The following ENTR1 variants were observed in gnomAD, a reference collection of about 807,000 sequenced individuals.
The protein encoded by ENTR1 is endosome-associated-trafficking regulator 1.
ENTR1 carries 47 observed loss-of-function variants against 47.9 expected under a neutral mutation model. The observed-to-expected ratio is 0.98, with a 90% confidence interval of 0.78 to 1.25. The LOEUF is 1.25. ENTR1 is among the 50% of genes most tolerant of loss of function. The probability of loss-of-function intolerance (pLI) is 0.00; values close to 1 mark genes in which losing one functional copy is unlikely to be tolerated. For missense variants in ENTR1, 668 were observed against 570.5 expected, an observed-to-expected ratio of 1.17 and a Z score of -1.74; for synonymous variants, 290 against 245.8, an observed-to-expected ratio of 1.18 and a Z score of -1.68.
Position 136,407,419 on chromosome 9 carries a change from G to T in ENTR1, c.545C>A (p.Thr182Asn). Residue 182 changes from threonine (T) to asparagine (N), a missense_variant, in exon 5 of 10, where the codon ACC becomes AAC. Coordinates refer to ENST00000357365, the MANE Select transcript of ENTR1 (RefSeq NM_001039707.2). ...DLLDEEEDED[T>N]GWSGAYLPSA... is the part of the protein sequence containing the mutation. Reference sequence around the variant, plus strand: ...CGGCAGGTAGGCCCCACTCCATCCGGTGTCCTCATCCTCCTCCTCATCCAG... The same window carrying T: ...CGGCAGGTAGGCCCCACTCCATCCGTTGTCCTCATCCTCCTCCTCATCCAG... 6.2e-7 allele frequency: 1 copy of T among 1,609,936 alleles called. No individual in the cohort carries two copies. Among genetic ancestry groups the T allele is most frequent in the Non-Finnish European group, 8.5e-7 (1 of 1,179,410 alleles).
intron 9 of ENTR1, among the ~76,000 whole-genome samples, chr9:136,403,574 G>T (rs1052939667): frequency 6.6e-6 from 1 of 152,048 alleles, no homozygotes; most frequent in Non-Finnish European, 1.5e-5. Flanking sequence ...CTTCACAGGA[G>T]ACGGCTCCCT....
Position 136,405,119 on chromosome 9 carries a change from T to C in ENTR1, c.977A>G (p.Gln326Arg). 5 of 1,613,700 alleles carry C rather than the reference T, an allele frequency of 3.1e-6. No homozygotes were observed. The highest frequency in any genetic ancestry group is 4.2e-6 in the Non-Finnish European group (5 of 1,179,726). ...DYHDLESVVQ[Q>R]VEQNLELMTK... ...CATCAGCTCCAGGTTCTGCTCCACCTGCTGAACCACCGACTCCAGGTCGTG... is the reference window on the plus strand; with the variant it reads ...CATCAGCTCCAGGTTCTGCTCCACCCGCTGAACCACCGACTCCAGGTCGTG... The change falls in exon 7 of 10, where the codon CAG (glutamine) becomes CGG (arginine). Residue 326 changes from glutamine (Q) to arginine (R), a missense_variant. Physicochemically the swap from Gln to Arg is conservative, Grantham distance 43. Coordinates refer to ENST00000357365, the MANE Select transcript of ENTR1 (RefSeq NM_001039707.2).
chr9:136,408,974 A>C (rs1209416850), intron 3 of ENTR1, 25 bp downstream of exon 3: 1 of 1,605,282 alleles, frequency 6.2e-7, no homozygotes, highest in Admixed American at 1.7e-5. Context: ...GGAGACAAGA[A>C]GAAAAGGTTG....
rs1834549899 is a variant in ENTR1 at position 136,402,841 on chromosome 9, G to T, written c.1255C>A (p.Leu419Ile). The change falls in exon 10 of 10, where the codon CTT becomes ATT. Residue 419 changes from leucine to isoleucine, a missense_variant. Coordinates refer to ENST00000357365, the MANE Select transcript of ENTR1 (RefSeq NM_001039707.2). ...AETLNLVAEI[L>I]KSIDRISEVK... ...TCAGAAATTCTGTCTATAGATTTAA[G>T]GATTTCGGCAACAAGATTCAGTGTC... The T allele has an allele frequency of 4.3e-6, 7 of 1,613,100 alleles. No individual in the cohort carries two copies. The highest frequency in any genetic ancestry group is 5.9e-6 in the Non-Finnish European group (7 of 1,179,874).
At chr9:136,407,732 C>G in intron 4 of ENTR1, 94 bp downstream of exon 4, 7 of 1,367,852 alleles carry the variant, frequency 5.1e-6, no homozygotes, top group Non-Finnish European at 7.2e-6. Context: ...CCTGCCTGCT[C>G]TGCCACACTC....
chr9:136,406,994 C>T (rs1401593520), intron 5 of ENTR1, 151 bp downstream of exon 5: 2 of 750,868 alleles, frequency 2.7e-6, no homozygotes, highest in East Asian at 5.4e-5. Flanking sequence ...GAAGCAAAGT[C>T]AAAGGGAAAG....
intron 6 of ENTR1, 101 bp downstream of exon 6, chr9:136,405,804 C>A: frequency 2.9e-6 from 2 of 685,382 alleles, no homozygotes; most frequent in Non-Finnish European, 4.9e-6. Flanking sequence ...ACAATAAAAC[C>A]CAGATCTGGT....
At position 136,410,363 on chromosome 9, in the gene ENTR1, G is replaced by C. The variant is rs767881750; in HGVS notation, c.35C>G (p.Pro12Arg). 27 of 1,483,736 alleles carry C rather than the reference G, an allele frequency of 1.8e-5. No homozygotes were observed. In the African/African-American group the frequency reaches 3.5e-4, roughly 19 times the overall value. 91.9% of individuals were successfully genotyped at this position (1,483,736 alleles called of 1,614,324 possible). A position where few individuals can be genotyped will look rare whatever the true frequency, so the allele number is the denominator to read the frequency against. The change falls in exon 1 of 10, where the codon CCG becomes CGG. Residue 12 changes from proline to arginine, a missense_variant. Physicochemically the swap from Pro to Arg is moderately radical, Grantham distance 103. Transcript: ENST00000357365. ...GGCGAGGCTCCGGGCTCGGGACAGC[G>C]GGGTGGCGCCCGGGCGGCGCTGGTA... ...SGYQRRPGAT[P>R]LSRARSLAIP...
At chr9:136,407,734 G>C in intron 4 of ENTR1, 92 bp downstream of exon 4, 1 of 1,370,444 alleles carries the variant, frequency 7.3e-7, no homozygotes, top group Non-Finnish European at 1.0e-6. Flanking sequence ...TGCCTGCTCT[G>C]CCACACTCAT....
At chr9:136,405,277 C>A in intron 6 of ENTR1, 75 bp from the exon 7 acceptor site, 1 of 1,158,462 alleles carries the variant, frequency 8.6e-7, no homozygotes, top group South Asian at 1.2e-5. Context: ...ACCTCATGAG[C>A]CAGATAAAAC....
At chr9:136,409,176 T>G in intron 2 of ENTR1, 109 bp from the exon 3 acceptor site, 3 of 851,632 alleles carry the variant, frequency 3.5e-6, no homozygotes, top group East Asian at 2.6e-5. Flanking sequence ...TCTCACAGTC[T>G]AGAGAACTTT....
Position 136,402,976 on chromosome 9 carries a change from G to A in ENTR1, c.1209-89C>T, listed in dbSNP as rs1248197089. 23 of 881,484 alleles carry A rather than the reference G, an allele frequency of 2.6e-5. 1 individual carries two copies. Among genetic ancestry groups the A allele is most frequent in the Non-Finnish European group, 3.4e-5 (19 of 560,768 alleles). 54.6% of individuals were successfully genotyped at this position (881,484 alleles called of 1,614,324 possible). A position where few individuals can be genotyped will look rare whatever the true frequency, so the allele number is the denominator to read the frequency against. ...GGGGAGAAAGGGGAGGGGTTGGTAG[G>A]GGGAAAAAGGGAGGGGTTCCAAGGG... On this transcript the variant is annotated intron_variant, in intron 9 of 9. Coordinates refer to ENST00000357365, the MANE Select transcript of ENTR1 (RefSeq NM_001039707.2).
chr9:136,408,791 C>G (rs943058997), intron 3 of ENTR1, among the ~76,000 whole-genome samples: 1 of 152,198 alleles, frequency 6.6e-6, no homozygotes, highest in African/African-American at 2.4e-5. Context: ...CTCCTGTGGC[C>G]CCAGCCCCCC....
At chr9:136,404,827 C>A in intron 7 of ENTR1, 134 bp from the exon 8 acceptor site, 2 of 843,742 alleles carry the variant, frequency 2.4e-6, no homozygotes, top group Admixed American at 2.2e-5. Flanking sequence ...GTGCCCCTCC[C>A]AGTCCCGCCT....
intron 2 of ENTR1, 116 bp from the exon 3 acceptor site, chr9:136,409,183 CTTTT>C (rs35168798): frequency 6.8e-5 from 38 of 562,754 alleles, no homozygotes; most frequent in South Asian, 8.3e-5. Flanking sequence ...GTCTAGAGAA[CTTTT>C]TTTTTTTTTT....
In ENTR1 at chr9:136,407,232, C is replaced by A; in HGVS notation, c.732G>T (p.Pro244=). 1 of 1,613,100 alleles carries A rather than the reference C, an allele frequency of 6.2e-7. No homozygotes were observed. The highest frequency in any genetic ancestry group is 8.5e-7 in the Non-Finnish European group (1 of 1,179,972). ...DTDSRVSPAS[P]AGSPSADFAV... Reference sequence around the variant, plus strand: ...CAAAGTCTGCGCTAGGACTCCCTGCCGGAGAGGCCGGAGACACGCGAGAAT... The same window carrying A: ...CAAAGTCTGCGCTAGGACTCCCTGCAGGAGAGGCCGGAGACACGCGAGAAT... Residue 244 remains proline, a synonymous_variant, in exon 5 of 10, where the codon CCG becomes CCT. Coordinates refer to ENST00000357365, the MANE Select transcript of ENTR1 (RefSeq NM_001039707.2).
At chr9:136,407,629 G>A (rs1834844814) in intron 4 of ENTR1, 68 bp from the exon 5 acceptor site, 3 of 1,490,990 alleles carry the variant, frequency 2.0e-6, no homozygotes, top group Non-Finnish European at 1.8e-6. Context: ...CTTCCTTTCT[G>A]TGTTCTGCCT....
chr9:136,404,176 G>A lies in ENTR1; in HGVS notation c.1087C>T (p.Gln363Ter). The A allele has an allele frequency of 6.2e-7, 1 of 1,609,668 alleles. No homozygotes were observed. Among genetic ancestry groups the A allele is most frequent in the Non-Finnish European group, 8.5e-7 (1 of 1,177,638 alleles). ...CACCGCAGGGCTTCATTCTCTCGCTGGAAGTTGGAGACCTGCGCCTGGGGG... is the reference window on the plus strand; with the variant it reads ...CACCGCAGGGCTTCATTCTCTCGCTAGAAGTTGGAGACCTGCGCCTGGGGG... Reference protein sequence around the residue: ...SLLQAQVSNFQRENEALRCGQ... With the variant: ...SLLQAQVSNF Residue 363 changes from glutamine to a stop codon, truncating the protein, a stop_gained, in exon 9 of 10, where the codon CAG becomes TAG. Coordinates refer to ENST00000357365, the MANE Select transcript of ENTR1 (RefSeq NM_001039707.2). LOFTEE classifies it high-confidence loss of function.
At position 136,408,379 on chromosome 9, in the gene ENTR1, C is replaced by T. The variant is rs528910046; in HGVS notation, c.290-441G>A. 5.3e-5 allele frequency among the ~76,000 whole-genome samples: 8 copies of T among 152,118 alleles called. No individual in the cohort carries two copies. In the East Asian group the frequency reaches 7.7e-4, roughly 15 times the overall value. On this transcript the variant is annotated intron_variant, in intron 3 of 9. Coordinates refer to ENST00000357365, the MANE Select transcript of ENTR1 (RefSeq NM_001039707.2). Reference sequence around the variant, plus strand: ...GGATCACGAGGTCAGGAGACTGAGACCATCCTGGCTAACACGGTGAAACCT... The same window carrying T: ...GGATCACGAGGTCAGGAGACTGAGATCATCCTGGCTAACACGGTGAAACCT...
Sources: gnomAD v4.1 joint callset for allele counts (sites outside exome capture counted in the v4.1 genomes callset) on GRCh38, gnomAD v4.1.1 for gene constraint, MANE v1.5 for transcripts, NCBI Gene and HGNC (gene_info 2026-07-23, HGNC 2026-07-21) for gene names.